NDRG4: variants seen among roughly 807,000 people sequenced by gnomAD.
NDRG4 encodes NDRG family member 4, also known as protein NDRG4.
In NDRG4, 38 loss-of-function variants were observed where a neutral mutation model predicts 55.8. The ratio of observed to expected loss-of-function variants is 0.68; its 90% CI spans 0.53 to 0.89. The LOEUF (loss-of-function observed/expected upper bound fraction) is 0.89, where lower values mean the gene tolerates loss of function less well. Ranked by LOEUF, NDRG4 falls within the 40% of genes least tolerant of loss-of-function variation. NDRG4 has a pLI of 0.00. For synonymous variants in NDRG4, 190 were observed against 182.7 expected, an observed-to-expected ratio of 1.04 and a Z score of -0.32; for missense variants, 455 against 468.6, an observed-to-expected ratio of 0.97 and a Z score of 0.27.
At chr16:58,478,697 G>GTTTTTTTTTTTTTTT (rs59525801) in intron 1 of NDRG4, among the ~76,000 whole-genome samples, 39 of 137,644 alleles carry the variant, frequency 2.8e-4, no homozygotes, top group Middle Eastern at 3.8e-3. Flanking sequence ...TTTGTTTTTT[G>GTTTTTTTTTTTTTTT]TTTTTTTTTT....
chr16:58,503,929 C>T (rs1168569636), intron 2 of NDRG4, 26 bp downstream of exon 2: 2 of 1,610,908 alleles, frequency 1.2e-6, no homozygotes, highest in Non-Finnish European at 1.7e-6. Flanking sequence ...CCTCAGTCAG[C>T]CCTCCTCTGC....
intron 1 of NDRG4, among the ~76,000 whole-genome samples, chr16:58,484,438 C>T (rs983474101): frequency 6.6e-6 from 1 of 152,184 alleles, no homozygotes; most frequent in African/African-American, 2.4e-5. Flanking sequence ...GCAACATGCT[C>T]TCATATTGCA....
upstream of NDRG4, chr16:58,499,785 T>C (rs866666027): frequency 3.1e-5 from 9 of 293,564 alleles, no homozygotes; most frequent in Admixed American, 1.5e-4. Flanking sequence ...AAGCTGTGCA[T>C]GTCTGTGACG....
At chr16:58,498,008 G>A (rs991379415), upstream of NDRG4, among the ~76,000 whole-genome samples, 38 of 152,252 alleles carry the variant, frequency 2.5e-4, no homozygotes, top group African/African-American at 7.2e-4. Flanking sequence ...GGCCAGGAAG[G>A]ACTTAAACCC....
Position 58,511,866 on chromosome 16 carries a change from C to G in NDRG4, c.*290C>G. On this transcript the variant is annotated 3_prime_UTR_variant, in exon 15 of 15. Coordinates refer to ENST00000570248, the MANE Select transcript of NDRG4 (RefSeq NM_001242835.2). The stretch of plus-strand genomic sequence containing the variant: ...GGGCAGGGCCATAGGGAGGGAGATT[C>G]GCTACGGATCCAGGCCATTCCTGGG... 1 of 477,302 alleles carries G rather than the reference C, an allele frequency of 2.1e-6. No individual in the cohort carries two copies. The highest frequency in any genetic ancestry group is 4.0e-6 in the Non-Finnish European group (1 of 251,928). The allele number at this position is 477,302 out of a possible 1,614,324, so 29.6% of individuals were successfully genotyped here.
chr16:58,475,738 T>A (rs1055571669), intron 1 of NDRG4: 2 of 448,258 alleles, frequency 4.5e-6, no homozygotes, highest in East Asian at 1.4e-4. Flanking sequence ...CTGTTCAAGC[T>A]CCTGCCATCA....
chr16:58,497,800 G>A (rs1017545653), upstream of NDRG4, among the ~76,000 whole-genome samples: 3 of 152,198 alleles, frequency 2.0e-5, no homozygotes, highest in African/African-American at 4.8e-5. Context: ...AATTTGGAGA[G>A]GCACACAGGC....
downstream of NDRG4, among the ~76,000 whole-genome samples, chr16:58,514,930 A>C (rs1332917939): frequency 6.6e-6 from 1 of 152,136 alleles, no homozygotes; most frequent in Non-Finnish European, 1.5e-5. Flanking sequence ...CAATAGGTAG[A>C]TATTGAGTCC....
In NDRG4 at chr16:58,500,213, C is replaced by T. The variant is rs1360071341; in HGVS notation, c.-36C>T. 3 of 1,535,998 alleles carry T rather than the reference C, an allele frequency of 2.0e-6. No individual in the cohort carries two copies. Among genetic ancestry groups the T allele is most frequent in the Non-Finnish European group, 2.6e-6 (3 of 1,146,894 alleles). ...CCGAGTGACTCAGGCCTTTGTTTGT[C>T]CTTCCTGGTAGAGGCGGGTTCCCTC... On this transcript the variant is annotated 5_prime_UTR_variant, in exon 1 of 15. Transcript: ENST00000570248.
intron 1 of NDRG4, among the ~76,000 whole-genome samples, chr16:58,473,478 T>C (rs1251911638): frequency 6.6e-6 from 1 of 152,148 alleles, no homozygotes; most frequent in African/African-American, 2.4e-5. Flanking sequence ...CACAAACTCT[T>C]ACATCCACCT....
At chr16:58,490,744 A>C (rs1597190554) in intron 2 of NDRG4, among the ~76,000 whole-genome samples, 1 of 152,226 alleles carries the variant, frequency 6.6e-6, no homozygotes, top group African/African-American at 2.4e-5. Flanking sequence ...TGGGAGCCCA[A>C]GGTGGGCGGG....
intron 2 of NDRG4, 86 bp from the exon 3 acceptor site, chr16:58,504,068 C>T: frequency 1.3e-6 from 2 of 1,597,170 alleles, no homozygotes; most frequent in Non-Finnish European, 1.7e-6. Flanking sequence ...GCTTACACTT[C>T]TGCCTTGCCT....
At chr16:58,507,644 T>C (rs2038217026) in intron 8 of NDRG4, 164 bp from the exon 9 acceptor site, 2 of 621,506 alleles carry the variant, frequency 3.2e-6, no homozygotes, top group East Asian at 2.8e-5. Flanking sequence ...CCACCTGGTA[T>C]GTGCTAGGGA....
intron 1 of NDRG4, among the ~76,000 whole-genome samples, chr16:58,479,779 G>A (rs2034169457): frequency 6.6e-6 from 1 of 152,216 alleles, no homozygotes; most frequent in Non-Finnish European, 1.5e-5. Flanking sequence ...TCCCCTAGGA[G>A]TGTCTGAGGA....
In NDRG4 at chr16:58,511,796, C is replaced by T. The variant is rs766178730; in HGVS notation, c.*220C>T. The T allele has an allele frequency of 3.8e-4, 239 of 636,228 alleles. No individual in the cohort carries two copies. Among genetic ancestry groups the T allele is most frequent in the Non-Finnish European group, 5.9e-4 (208 of 354,774 alleles). The allele number at this position is 636,228 out of a possible 1,614,324, so 39.4% of individuals were successfully genotyped here. ...ATCTCACTCTCCGTGGTAACTTAGC[C>T]AACTTGACCCCTCTCATCCCACTCC... is the stretch of plus-strand genomic sequence containing the variant. On this transcript the variant is annotated 3_prime_UTR_variant, in exon 15 of 15. Transcript: ENST00000570248.
chr16:58,510,860 G>A (rs370672580), intron 14 of NDRG4, 177 bp downstream of exon 14: 20 of 640,326 alleles, frequency 3.1e-5, no homozygotes, highest in East Asian at 8.2e-5. Context: ...TGGCCTCTAG[G>A]TTGGCTGGGT....
At chr16:58,470,770 G>A (rs2032617079) in intron 1 of NDRG4, among the ~76,000 whole-genome samples, 1 of 152,100 alleles carries the variant, frequency 6.6e-6, no homozygotes, top group African/African-American at 2.4e-5. Context: ...AGCCAGGCAT[G>A]TTGGTGCGTG....
At chr16:58,465,227 C>G (rs934455973) in intron 1 of NDRG4, 9 of 685,264 alleles carry the variant, frequency 1.3e-5, no homozygotes, top group Admixed American at 7.0e-5. Context: ...CAGATGAGCA[C>G]AGATTCCAGT....
In NDRG4 at chr16:58,506,623, G is replaced by A. The variant is rs1425720849; in HGVS notation, c.516+9G>A. On this transcript the variant is annotated intron_variant, in intron 7 of 14. Transcript: ENST00000570248. ...CCCACCTCTTCAGCCAGGTAAGGGG[G>A]GGAACTTCTGCAGATCTGGGGTGAT... is the stretch of plus-strand genomic sequence containing the variant. 3 of 1,550,740 alleles carry A rather than the reference G, an allele frequency of 1.9e-6. No individual in the cohort carries two copies. The highest frequency in any genetic ancestry group is 2.6e-6 in the Non-Finnish European group (3 of 1,149,148).
Sources: allele counts gnomAD v4.1 joint callset (sites outside exome capture counted in the v4.1 genomes callset), GRCh38; gene constraint gnomAD v4.1.1; transcripts MANE v1.5; gene names NCBI Gene and HGNC (gene_info 2026-07-23, HGNC 2026-07-21).